The following MCM9 variants were observed in gnomAD, a reference collection of about 807,000 sequenced individuals.
The protein encoded by MCM9 is minichromosome maintenance 9 homologous recombination repair factor.
A neutral mutation model predicts 72.8 loss-of-function variants in MCM9; 55 were observed. The observed-to-expected ratio is 0.76, with a 90% CI of 0.61 to 0.95. MCM9 has a LOEUF of 0.95. Among genes scored for constraint, MCM9 ranks in the 40% least tolerant of loss-of-function variants. The pLI is 0.00. For synonymous variants in MCM9, 480 were observed against 503.4 expected (o/e 0.95, Z 0.62); for missense variants, 1,279 against 1,377.0 (o/e 0.93, Z 1.13).
In MCM9 at chr6:118,904,248, T is replaced by C. The variant is rs534148859; in HGVS notation, c.1150+7402A>G. On this transcript the variant is annotated intron_variant, in intron 8 of 13. Transcript: ENST00000619706. ...AAAAAATGTTGAGACTGACTAGATG[T>C]AGGAGATAAGGGAGTGAAGCTGACT... Among the ~76,000 whole-genome samples the C allele has an allele frequency of 3.9e-5, 6 of 152,258 alleles. No homozygotes were observed. The East Asian group carries it at 1.2e-3, about 29-fold the overall frequency.
At chr6:118,896,478 G>T (rs922258512) in intron 8 of MCM9, among the ~76,000 whole-genome samples, 1 of 152,096 alleles carries the variant, frequency 6.6e-6, no homozygotes, top group Non-Finnish European at 1.5e-5. Flanking sequence ...ACATTGCATA[G>T]ATGAAACCAG....
In MCM9 at chr6:118,911,293, A is replaced by T. The variant is rs1197349779; in HGVS notation, c.1150+357T>A. 8.9e-6 allele frequency: 9 copies of T among 1,009,628 alleles called. No homozygotes were observed. In the African/African-American group the frequency reaches 1.2e-4, roughly 14 times the overall value. The allele number at this position is 1,009,628 out of a possible 1,614,324, so 62.5% of individuals were successfully genotyped here. A position where few individuals can be genotyped will look rare whatever the true frequency, so the allele number is the denominator to read the frequency against. ...ATGAAAATGCCTTAAGCTCTATACC[A>T]TCTATCTACTTGGTAAAGTGAAATA... On this transcript the variant is annotated intron_variant, in intron 8 of 13. Coordinates refer to ENST00000619706, the MANE Select transcript of MCM9 (RefSeq NM_017696.3).
chr6:118,905,595 C>G, intron 8 of MCM9: 1 of 1,416,880 alleles, frequency 7.1e-7, no homozygotes, highest in Non-Finnish European at 9.5e-7. Context: ...TCCAGTCTTG[C>G]CTGCCACTAA....
At position 118,815,085 on chromosome 6, in the gene MCM9, T is replaced by C. The variant is rs1167419477; in HGVS notation, c.3171A>G (p.Arg1057=). 1 of 1,550,820 alleles carries C rather than the reference T, an allele frequency of 6.4e-7. No homozygotes were observed. The highest frequency in any genetic ancestry group is 1.2e-5 in the South Asian group (1 of 84,048). The change falls in exon 14 of 14, where the codon AGA becomes AGG. Residue 1057 remains arginine, a synonymous_variant. Transcript: ENST00000619706. ...GGGGAGTAAAGCAGAAGTTTGCCAATCTGGCTAATGTGCAGGCATGAACCT... is the reference window on the plus strand; with the variant it reads ...GGGGAGTAAAGCAGAAGTTTGCCAACCTGGCTAATGTGCAGGCATGAACCT... ...SGKVHACTLA[R]LANFCFTPPS... is the part of the protein sequence containing the mutation.
chr6:118,929,828 G>T (rs1021451243), intron 3 of MCM9, among the ~76,000 whole-genome samples: 2 of 151,922 alleles, frequency 1.3e-5, no homozygotes, highest in African/African-American at 4.8e-5. Context: ...AAAGGCTGAT[G>T]GGGGGGACCC....
At chr6:118,894,113 C>T in intron 8 of MCM9, 1 of 1,171,078 alleles carries the variant, frequency 8.5e-7, no homozygotes, top group Non-Finnish European at 1.1e-6. Flanking sequence ...GGGAGCCCAT[C>T]TTGCTGGCTG....
At chr6:118,908,324 G>A (rs957509131) in intron 8 of MCM9, 3 of 152,004 alleles carry the variant, frequency 2.0e-5, no homozygotes, top group African/African-American at 7.2e-5. Context: ...CATCATTATT[G>A]TCCAGTGAAT....
At chr6:118,864,702 C>T (rs1033975952) in intron 8 of MCM9, among the ~76,000 whole-genome samples, 1 of 152,144 alleles carries the variant, frequency 6.6e-6, no homozygotes, top group African/African-American at 2.4e-5. Flanking sequence ...ACATGTAGAA[C>T]CCTAACTCTA....
At chr6:118,888,534 A>T (rs183104220) in intron 8 of MCM9, among the ~76,000 whole-genome samples, 5 of 152,322 alleles carry the variant, frequency 3.3e-5, no homozygotes, top group Admixed American at 1.3e-4. Flanking sequence ...GCTCCTAAAA[A>T]GGAGTTACAA....
rs1773323424 is a variant in MCM9, at chr6:118,815,062, G to C, written c.3194C>G (p.Pro1065Arg). ...GGATTTTGATTTGGATTCCGATGGG[G>C]GAGTAAAGCAGAAGTTTGCCAATCT... ...LARLANFCFTPPSESKSKSPP... is the reference protein window; with the variant it reads ...LARLANFCFTRPSESKSKSPP... Residue 1065 changes from proline (P) to arginine (R), a missense_variant, in exon 14 of 14, where the codon CCC becomes CGC. Pro to Arg is a moderately radical substitution (Grantham distance 103). Transcript: ENST00000619706. The C allele has an allele frequency of 3.2e-6, 5 of 1,550,412 alleles. No individual in the cohort carries two copies. The South Asian group carries it at 4.8e-5, about 15-fold the overall frequency.
intron 9 of MCM9, among the ~76,000 whole-genome samples, chr6:118,854,539 GA>G (rs1381520006): frequency 6.6e-6 from 1 of 152,178 alleles, no homozygotes; most frequent in Non-Finnish European, 1.5e-5. Context: ...TTTTAGTAGA[GA>G]GGGGGTTTCA....
chr6:118,855,964 G>T (rs794865), intron 9 of MCM9, among the ~76,000 whole-genome samples: 122,588 of 152,096 alleles, frequency 0.81, 49,848 homozygotes, highest in South Asian at 0.92. Flanking sequence ...AACCTTCCAT[G>T]AGGATTTATA....
intron 8 of MCM9, chr6:118,894,548 G>A: frequency 6.6e-7 from 1 of 1,512,896 alleles, no homozygotes; most frequent in Admixed American, 2.0e-5. Flanking sequence ...GTGCGCCCGG[G>A]CTGTCAGTTG....
At chr6:118,905,661 C>T in intron 8 of MCM9, 1 of 1,608,442 alleles carries the variant, frequency 6.2e-7, no homozygotes, top group Non-Finnish European at 8.5e-7. Context: ...GGCTGATGCA[C>T]CTAATCCAGG....
chr6:118,924,214 T>C (rs1781681846), intron 3 of MCM9, 87 bp from the exon 4 acceptor site: 2 of 1,208,574 alleles, frequency 1.7e-6, no homozygotes, highest in African/African-American at 1.5e-5. Flanking sequence ...TCCTGAAAGA[T>C]AAATTTTAAT....
rs145416582 is a variant in MCM9, at chr6:118,877,075, G to A, written c.1151-20530C>T. ...TAGAGCCCAGCCACTATGTTGTAAA[G>A]AAGCCTAAGCAACCTACAGAGAGGC... is the stretch of plus-strand genomic sequence containing the variant. On this transcript the variant is annotated intron_variant, in intron 8 of 13. Transcript: ENST00000619706. Among the ~76,000 whole-genome samples the A allele has an allele frequency of 2.8e-3, 433 of 152,302 alleles. 9 individuals carry two copies. The highest frequency in any genetic ancestry group is 0.026 in the Admixed American group (396 of 15,302).
chr6:118,870,519 A>C (rs1366222777), intron 8 of MCM9, among the ~76,000 whole-genome samples: 1 of 152,140 alleles, frequency 6.6e-6, no homozygotes, highest in Non-Finnish European at 1.5e-5. Flanking sequence ...ATAACAATAC[A>C]TGTCTACATC....
chr6:118,873,859 C>A (rs1777769927), intron 8 of MCM9, among the ~76,000 whole-genome samples: 1 of 152,138 alleles, frequency 6.6e-6, no homozygotes, highest in Non-Finnish European at 1.5e-5. Flanking sequence ...AACATAGATG[C>A]CAGTATCTTT....
In MCM9 at chr6:118,825,943, G is replaced by A. The variant is rs145112717; in HGVS notation, c.1961+204C>T. 1.2e-3 allele frequency among the ~76,000 whole-genome samples: 188 copies of A among 152,090 alleles called. 1 individual carries two copies. Among genetic ancestry groups the A allele is most frequent in the African/African-American group, 4.2e-3 (176 of 41,510 alleles). Reference sequence around the variant, plus strand: ...TAAAATGCTGGTGGGGGTGGTGTTCGCAGTCACTGAGTTTTGGAGCAGTTG... The same window carrying A: ...TAAAATGCTGGTGGGGGTGGTGTTCACAGTCACTGAGTTTTGGAGCAGTTG... On this transcript the variant is annotated intron_variant, in intron 13 of 13. Transcript: ENST00000619706.
Sources: gnomAD v4.1 joint callset for allele counts (sites outside exome capture counted in the v4.1 genomes callset) on GRCh38, gnomAD v4.1.1 for gene constraint, MANE v1.5 for transcripts, NCBI Gene and HGNC (gene_info 2026-07-23, HGNC 2026-07-21) for gene names.